The following GMCL1 variants were observed in gnomAD, a reference collection of about 807,000 sequenced individuals.
GMCL1 encodes the protein germ cell-less 1, spermatogenesis associated.
Under a neutral mutation model 75.5 loss-of-function variants are expected in GMCL1, and 54 were observed. That is an observed-to-expected ratio of 0.71 (90% confidence interval 0.57 to 0.90). The LOEUF (loss-of-function observed/expected upper bound fraction) is 0.90. GMCL1 is among the 40% of genes least tolerant of loss of function. The pLI, the probability that GMCL1 is intolerant of heterozygous loss-of-function variation, is 0.00. For synonymous variants in GMCL1, 210 were observed against 209.6 expected, an observed-to-expected ratio of 1.00 and a Z score of -0.02; for missense variants, 537 against 622.7, an observed-to-expected ratio of 0.86 and a Z score of 1.47.
chr2:69,833,181 TC>T (rs1674723607), intron 1 of GMCL1, among the ~76,000 whole-genome samples: 1 of 152,214 alleles, frequency 6.6e-6, no homozygotes, highest in Non-Finnish European at 1.5e-5. Flanking sequence ...GTGTACCAAC[TC>T]CTAGACTACA....
chr2:69,829,689 G>A lies in GMCL1; in HGVS notation c.-204G>A, dbSNP rs554854503. The A allele has an allele frequency of 3.5e-6, 2 of 563,658 alleles. No homozygotes were observed. The highest frequency in any genetic ancestry group is 4.8e-5 in the South Asian group (2 of 41,394). 34.9% of individuals were successfully genotyped at this position (563,658 alleles called of 1,614,324 possible). ...TGTTGCGAAAGCGAGGGGGCGAGGTGCTGCGGTGCTAGAGCGCGGCGCGAC... is the reference window on the plus strand; with the variant it reads ...TGTTGCGAAAGCGAGGGGGCGAGGTACTGCGGTGCTAGAGCGCGGCGCGAC... On this transcript the variant is annotated 5_prime_UTR_variant, in exon 1 of 14. Coordinates refer to ENST00000282570, the MANE Select transcript of GMCL1 (RefSeq NM_178439.5).
intron 1 of GMCL1, among the ~76,000 whole-genome samples, chr2:69,832,436 C>T (rs1279304476): frequency 6.6e-6 from 1 of 152,086 alleles, no homozygotes; most frequent in Non-Finnish European, 1.5e-5. Context: ...CCTTCTTTAT[C>T]CCTAGTAATT....
At chr2:69,852,842 A>G (rs1439940773) in intron 8 of GMCL1, among the ~76,000 whole-genome samples, 2 of 152,060 alleles carry the variant, frequency 1.3e-5, no homozygotes, top group Non-Finnish European at 2.9e-5. Flanking sequence ...CCTGCCATAT[A>G]TTTTTGTATA....
rs2103932765 is a variant in GMCL1 at position 69,829,919 on chromosome 2, G to T, written c.27G>T (p.Leu9=). Residue 9 remains leucine, a synonymous_variant, in exon 1 of 14, where the codon CTG becomes CTT. Coordinates refer to ENST00000282570, the MANE Select transcript of GMCL1 (RefSeq NM_178439.5). MGSLSSRV[L]RQPRPALAQQ... is the part of the protein sequence containing the mutation. Reference sequence around the variant, plus strand: ...TGGGATCGTTGAGCAGCCGGGTGCTGCGCCAGCCAAGACCAGCCCTTGCCC... The same window carrying T: ...TGGGATCGTTGAGCAGCCGGGTGCTTCGCCAGCCAAGACCAGCCCTTGCCC... 6.2e-7 allele frequency: 1 copy of T among 1,603,292 alleles called. No homozygotes were observed.
intron 10 of GMCL1, 25 bp from the exon 11 acceptor site, chr2:69,864,875 G>T: frequency 6.9e-7 from 1 of 1,439,744 alleles, no homozygotes; most frequent in Non-Finnish European, 9.7e-7. Flanking sequence ...TTCTATGAAC[G>T]TTCATATTTT....
intron 11 of GMCL1, among the ~76,000 whole-genome samples, chr2:69,867,445 C>T (rs1322059586): frequency 1.3e-5 from 2 of 152,074 alleles, no homozygotes; most frequent in Non-Finnish European, 2.9e-5. Context: ...GTTTTCAGAC[C>T]CCACCTCGTC....
At chr2:69,871,688 G>A (rs1021762815) in intron 12 of GMCL1, 57 bp from the exon 13 acceptor site, 21 of 900,006 alleles carry the variant, frequency 2.3e-5, no homozygotes, top group African/African-American at 5.1e-5. Flanking sequence ...GGAAGAGCTT[G>A]TTTAATCTGT....
intron 12 of GMCL1, among the ~76,000 whole-genome samples, chr2:69,871,323 C>T (rs1675975486): frequency 6.6e-6 from 1 of 152,092 alleles, no homozygotes; most frequent in African/African-American, 2.4e-5. Context: ...TAGACAAATT[C>T]ATAGGTACAG....
At chr2:69,854,713 C>G in intron 8 of GMCL1, 110 bp from the exon 9 acceptor site, 1 of 795,048 alleles carries the variant, frequency 1.3e-6, no homozygotes, top group Middle Eastern at 4.0e-4. Flanking sequence ...TTAAAACTAG[C>G]TTATTTTGTA....
intron 12 of GMCL1, 21 bp downstream of exon 12, chr2:69,869,885 C>T (rs1314286629): frequency 6.2e-7 from 1 of 1,606,800 alleles, no homozygotes; most frequent in Non-Finnish European, 8.5e-7. Context: ...ATTTCCCCAC[C>T]CCACTCCTCC....
chr2:69,844,625 T>C (rs1675082608), intron 6 of GMCL1: 1 of 152,008 alleles, frequency 6.6e-6, no homozygotes, highest in Non-Finnish European at 1.4e-5. Flanking sequence ...TGATGTGGAG[T>C]AACAAATGTG....
At chr2:69,864,188 T>G (rs1675740838) in intron 10 of GMCL1, among the ~76,000 whole-genome samples, 1 of 152,098 alleles carries the variant, frequency 6.6e-6, no homozygotes, top group Admixed American at 6.5e-5. Context: ...TTACACTTAT[T>G]TATTTATTGT....
Position 69,829,872 on chromosome 2 carries a change from A to G in GMCL1, c.-21A>G. The G allele has an allele frequency of 1.9e-6, 3 of 1,556,208 alleles. No individual in the cohort carries two copies. Among genetic ancestry groups the G allele is most frequent in the Non-Finnish European group, 2.6e-6 (3 of 1,153,562 alleles). The stretch of plus-strand genomic sequence containing the variant: ...AGACCCCCTTCTCTGGGCTCCCTGA[A>G]GTCTCGGGGAGCCGTGACCCATGGG... On this transcript the variant is annotated 5_prime_UTR_variant, in exon 1 of 14. Coordinates refer to ENST00000282570, the MANE Select transcript of GMCL1 (RefSeq NM_178439.5).
chr2:69,867,863 G>A (rs1450027656), intron 11 of GMCL1, among the ~76,000 whole-genome samples: 1 of 152,132 alleles, frequency 6.6e-6, no homozygotes, highest in East Asian at 1.9e-4. Context: ...CATTAGCTGA[G>A]GTAACTCATA....
At chr2:69,856,786 A>T (rs1487988706) in intron 9 of GMCL1, among the ~76,000 whole-genome samples, 1 of 150,632 alleles carries the variant, frequency 6.6e-6, no homozygotes, top group Non-Finnish European at 1.5e-5. Context: ...CCAAACCATT[A>T]TTGCATGCCA....
In GMCL1 at chr2:69,830,018, A is replaced by G. The variant is rs1674624068; in HGVS notation, c.126A>G (p.Gly42=). ...CTGGAGACGATGCGGCGGGCCACGG[A>G]TTCTGTTACTGTGCGGGCAGCCACA... ...PDTGDDAAGH[G]FCYCAGSHKR... The change falls in exon 1 of 14, where the codon GGA becomes GGG. Residue 42 remains glycine, a synonymous_variant. Transcript: ENST00000282570. 1 of 1,563,536 alleles carries G rather than the reference A, an allele frequency of 6.4e-7. No individual in the cohort carries two copies. The highest frequency in any genetic ancestry group is 8.7e-7 in the Non-Finnish European group (1 of 1,154,054).
chr2:69,868,676 G>A (rs1342829874), intron 11 of GMCL1, among the ~76,000 whole-genome samples: 1 of 149,164 alleles, frequency 6.7e-6, no homozygotes, highest in Non-Finnish European at 1.5e-5. Flanking sequence ...GCCTCCCAAA[G>A]TGCTGGGATT....
chr2:69,849,953 T>C (rs560453915), intron 8 of GMCL1, among the ~76,000 whole-genome samples: 1 of 152,236 alleles, frequency 6.6e-6, no homozygotes, highest in Admixed American at 6.5e-5. Context: ...ATAAGAAAAA[T>C]ACCTTAACTA....
Position 69,879,071 on chromosome 2 carries a change from A to G in GMCL1, c.*67A>G. ...ATCAGTTGGAAACAGTAGCACTTTGAAAACTTTTTAGGCCAGCTTTAATTT... is the reference window on the plus strand; with the variant it reads ...ATCAGTTGGAAACAGTAGCACTTTGGAAACTTTTTAGGCCAGCTTTAATTT... On this transcript the variant is annotated 3_prime_UTR_variant, in exon 14 of 14. Transcript: ENST00000282570. 2 of 1,013,960 alleles carry G rather than the reference A, an allele frequency of 2.0e-6. No homozygotes were observed. Among genetic ancestry groups the G allele is most frequent in the Non-Finnish European group, 3.0e-6 (2 of 656,626 alleles). 62.8% of individuals were successfully genotyped at this position (1,013,960 alleles called of 1,614,324 possible).
Sources: allele counts gnomAD v4.1 joint callset (sites outside exome capture counted in the v4.1 genomes callset), GRCh38; gene constraint gnomAD v4.1.1; transcripts MANE v1.5; gene names NCBI Gene and HGNC (gene_info 2026-07-23, HGNC 2026-07-21).